The following MLIP variants were observed in gnomAD, a reference collection of about 807,000 sequenced individuals.
MLIP encodes muscular LMNA-interacting protein.
A neutral mutation model predicts 84.8 loss-of-function variants in MLIP; 79 were observed. The observed-to-expected ratio is 0.93, with a 90% CI of 0.78 to 1.12. The LOEUF (loss-of-function observed/expected upper bound fraction) is 1.12, where lower values mean the gene tolerates loss of function less well. Ranked by LOEUF, MLIP falls within the 50% of genes most tolerant of loss-of-function variation. MLIP has a pLI of 0.00. For missense variants in MLIP, 1,257 were observed against 1,160.6 expected (o/e 1.08, Z -1.21); for synonymous variants, 504 against 463.0 (o/e 1.09, Z -1.14).
intron 1 of MLIP, among the ~76,000 whole-genome samples, chr6:54,048,127 G>A (rs73744128): frequency 0.049 from 7,467 of 152,212 alleles, 569 homozygotes; most frequent in African/African-American, 0.17. Flanking sequence ...CTAGATTTAG[G>A]CATTGAGAGA....
At chr6:54,228,292 T>C (rs1415842659) in intron 11 of MLIP, among the ~76,000 whole-genome samples, 3 of 148,214 alleles carry the variant, frequency 2.0e-5, no homozygotes, top group Non-Finnish European at 4.5e-5. Context: ...CTAAAGAGAA[T>C]CACAGGATCA....
intron 13 of MLIP, among the ~76,000 whole-genome samples, chr6:54,257,816 A>G (rs902475321): frequency 2.0e-5 from 3 of 152,208 alleles, no homozygotes; most frequent in Admixed American, 2.0e-4. Context: ...ACCTTCCCCA[A>G]GTGAATTTTA....
intron 12 of MLIP, among the ~76,000 whole-genome samples, chr6:54,236,338 C>T (rs1264044303): frequency 2.0e-5 from 3 of 152,206 alleles, no homozygotes; most frequent in South Asian, 4.1e-4. Context: ...CGGTGGCTCA[C>T]GCCTGTAATC....
At position 54,266,130 on chromosome 6, in the gene MLIP, T is replaced by C. The variant is rs952481185; in HGVS notation, c.*175T>C. 7.9e-6 allele frequency: 5 copies of C among 633,104 alleles called. No individual in the cohort carries two copies. The African/African-American group carries it at 9.2e-5, about 12-fold the overall frequency. The allele number at this position is 633,104 out of a possible 1,614,324, so 39.2% of individuals were successfully genotyped here. ...GCAATTATATAGCATCACAGTGCTCTGCTAACAGCCAGCATAGAAGAGATT... is the reference window on the plus strand; with the variant it reads ...GCAATTATATAGCATCACAGTGCTCCGCTAACAGCCAGCATAGAAGAGATT... On this transcript the variant is annotated 3_prime_UTR_variant, in exon 14 of 14. Coordinates refer to ENST00000502396, the MANE Select transcript of MLIP (RefSeq NM_001281747.2).
At chr6:54,252,254 T>C (rs1209632755) in intron 12 of MLIP, among the ~76,000 whole-genome samples, 1 of 111,960 alleles carries the variant, frequency 8.9e-6, no homozygotes, top group African/African-American at 3.9e-5. Flanking sequence ...GTATAATATA[T>C]TATAACATAT....
At position 54,121,408 on chromosome 6, in the gene MLIP, T is replaced by C. The variant is rs1454237254; in HGVS notation, c.97-39T>C. The C allele has an allele frequency of 5.0e-6, 8 of 1,605,388 alleles. No individual in the cohort carries two copies. In the African/African-American group the frequency reaches 1.1e-4, roughly 22 times the overall value. ...GGAGAATAAAGGCAAGATAAACCTT[T>C]GACAAGGCTGAAAGTCTAATTAACT... On this transcript the variant is annotated intron_variant, in intron 1 of 13. Coordinates refer to ENST00000502396, the MANE Select transcript of MLIP (RefSeq NM_001281747.2).
At chr6:54,155,268 T>C (rs1303799180) in intron 5 of MLIP, among the ~76,000 whole-genome samples, 5 of 152,100 alleles carry the variant, frequency 3.3e-5, no homozygotes, top group African/African-American at 1.2e-4. Context: ...ACAATCAAAG[T>C]GAGATTTATT....
At chr6:54,203,375 C>T (rs757649521) in intron 11 of MLIP, among the ~76,000 whole-genome samples, 1 of 151,542 alleles carries the variant, frequency 6.6e-6, no homozygotes, top group African/African-American at 2.4e-5. Context: ...ATTTTATAAT[C>T]CATAATAAAA....
Position 54,160,516 on chromosome 6 carries a change from C to G in MLIP, c.2356C>G (p.Leu786Val). Residue 786 changes from leucine (L) to valine (V), a missense_variant and splice_region_variant, in exon 7 of 14, where the codon CTC becomes GTC. Physicochemically the swap from Leu to Val is conservative, Grantham distance 32. Coordinates refer to ENST00000502396, the MANE Select transcript of MLIP (RefSeq NM_001281747.2). Reference protein sequence around the residue: ...KDNTLEPPVELYFPAQLRQQT... With the variant: ...KDNTLEPPVEVYFPAQLRQQT... ...CAGTACCTGGTTTCAATTCTTCCAG[C>G]TCTATTTTCCTGCACAGCTCAGGCA... The G allele has an allele frequency of 6.2e-7, 1 of 1,612,212 alleles. No individual in the cohort carries two copies. Among genetic ancestry groups the G allele is most frequent in the South Asian group, 1.1e-5 (1 of 90,980 alleles).
chr6:54,128,085 A>G (rs554665759), intron 3 of MLIP, among the ~76,000 whole-genome samples: 123 of 152,318 alleles, frequency 8.1e-4, no homozygotes, highest in African/African-American at 2.9e-3. Flanking sequence ...TATGGGAAAA[A>G]TTAAGCATGA....
At chr6:54,243,220 G>A (rs892048583) in intron 12 of MLIP, among the ~76,000 whole-genome samples, 10 of 152,176 alleles carry the variant, frequency 6.6e-5, no homozygotes, top group African/African-American at 2.2e-4. Flanking sequence ...ATGAGAAAAT[G>A]GTGTTGAATC....
chr6:54,246,041 C>G (rs1160067060), intron 12 of MLIP, among the ~76,000 whole-genome samples: 1 of 152,116 alleles, frequency 6.6e-6, no homozygotes, highest in Non-Finnish European at 1.5e-5. Context: ...AGACATTTAA[C>G]TTACAGCCAT....
At chr6:54,030,340 A>G (rs1002885217) in intron 1 of MLIP, among the ~76,000 whole-genome samples, 1 of 152,230 alleles carries the variant, frequency 6.6e-6, no homozygotes, top group Non-Finnish European at 1.5e-5. Context: ...ATTGTGAGGT[A>G]CAAATAATTA....
chr6:54,053,223 G>A (rs1054830791), intron 1 of MLIP, among the ~76,000 whole-genome samples: 2 of 152,154 alleles, frequency 1.3e-5, no homozygotes, highest in African/African-American at 2.4e-5. Flanking sequence ...GTACTGGGTT[G>A]AACCATGTGG....
chr6:54,207,512 AGTT>A (rs1779120384), intron 11 of MLIP, among the ~76,000 whole-genome samples: 1 of 148,678 alleles, frequency 6.7e-6, no homozygotes, highest in East Asian at 2.0e-4. Flanking sequence ...GGCAATTGTC[AGTT>A]GTTAACAGGA....
Position 54,137,217 on chromosome 6 carries a change from C to G in MLIP, c.1148C>G (p.Ser383Cys). Residue 383 changes from serine (S) to cysteine (C), a missense_variant, in exon 4 of 14, where the codon TCT (serine) becomes TGT (cysteine). Physicochemically the swap from Ser to Cys is moderately radical, Grantham distance 112 (BLOSUM62 -1). Transcript: ENST00000502396. ...LSPSPKPFTS[S>C]FHGSSSTICS... ...CCGAGCCCCAAACCATTTACCTCCTCTTTCCACGGCTCTTCTTCCACCATC... is the reference window on the plus strand; with the variant it reads ...CCGAGCCCCAAACCATTTACCTCCTGTTTCCACGGCTCTTCTTCCACCATC... The G allele has an allele frequency of 6.5e-7, 1 of 1,536,110 alleles. No homozygotes were observed. The highest frequency in any genetic ancestry group is 8.7e-7 in the Non-Finnish European group (1 of 1,146,908).
chr6:54,131,048 AAC>A (rs1771333266), intron 3 of MLIP, among the ~76,000 whole-genome samples: 1 of 152,224 alleles, frequency 6.6e-6, no homozygotes, highest in Non-Finnish European at 1.5e-5. Flanking sequence ...TGTTAGTGAT[AAC>A]AGTTTTCCAT....
intron 1 of MLIP, 41 bp downstream of exon 1, chr6:54,111,616 A>G (rs1582167581): frequency 6.5e-7 from 1 of 1,532,118 alleles, no homozygotes. Flanking sequence ...GTAACTTTTA[A>G]AAGCAGTGTA....
At chr6:54,119,876 C>G (rs1444473732) in intron 1 of MLIP, among the ~76,000 whole-genome samples, 1 of 152,180 alleles carries the variant, frequency 6.6e-6, no homozygotes, top group Non-Finnish European at 1.5e-5. Flanking sequence ...CACCACTTTA[C>G]CACGTTTGTG....
Sources: allele counts gnomAD v4.1 joint callset (sites outside exome capture counted in the v4.1 genomes callset), GRCh38; gene constraint gnomAD v4.1.1; transcripts MANE v1.5; gene names NCBI Gene and HGNC (gene_info 2026-07-23, HGNC 2026-07-21).